TMEM132C: variants seen among roughly 807,000 people sequenced by gnomAD.
The protein encoded by TMEM132C is transmembrane protein 132C.
TMEM132C carries 29 observed loss-of-function variants against 61.4 expected under a neutral mutation model. That is an observed-to-expected ratio of 0.47 (90% confidence interval 0.35 to 0.64). The LOEUF (loss-of-function observed/expected upper bound fraction) is 0.64. Among genes scored for constraint, TMEM132C ranks in the 30% least tolerant of loss-of-function variants. TMEM132C has a pLI of 0.00. For synonymous variants in TMEM132C, 656 were observed against 633.1 expected (o/e 1.04, Z -0.54); for missense variants, 1,408 against 1,476.9 (o/e 0.95, Z 0.76).
At chr12:128,531,089 A>G (rs1406241791) in intron 2 of TMEM132C, among the ~76,000 whole-genome samples, 1 of 144,632 alleles carries the variant, frequency 6.9e-6, no homozygotes, top group Non-Finnish European at 1.5e-5. Context: ...GAAGCAAAAC[A>G]TTGGTAATTG....
At chr12:128,687,238 A>G (rs1406959693) in intron 5 of TMEM132C, among the ~76,000 whole-genome samples, 1 of 150,862 alleles carries the variant, frequency 6.6e-6, no homozygotes, top group Admixed American at 6.6e-5. Context: ...TCAGAGAAAG[A>G]ATCTTTGAGA....
At chr12:128,497,557 C>T (rs1286035924) in intron 2 of TMEM132C, among the ~76,000 whole-genome samples, 3 of 152,232 alleles carry the variant, frequency 2.0e-5, no homozygotes, top group Admixed American at 1.3e-4. Context: ...AGCCTCGCTG[C>T]TGCCTTGCAG....
chr12:128,425,486 G>A, intron 2 of TMEM132C, among the ~76,000 whole-genome samples: 1 of 152,258 alleles, frequency 6.6e-6, no homozygotes. Flanking sequence ...TGCGCAGTTT[G>A]GGGGACTTGA....
At chr12:128,325,912 G>A (rs562629013) in intron 1 of TMEM132C, among the ~76,000 whole-genome samples, 3 of 152,202 alleles carry the variant, frequency 2.0e-5, no homozygotes, top group African/African-American at 4.8e-5. Context: ...CAGGTTCTGC[G>A]GTGGTAGCTT....
intron 2 of TMEM132C, among the ~76,000 whole-genome samples, chr12:128,468,988 T>C (rs916333639): frequency 6.6e-6 from 1 of 152,240 alleles, no homozygotes; most frequent in Non-Finnish European, 1.5e-5. Flanking sequence ...TCTAGTTCTC[T>C]AACTCTCTTG....
chr12:128,433,802 C>T (rs1201624816), intron 2 of TMEM132C, among the ~76,000 whole-genome samples: 1 of 142,788 alleles, frequency 7.0e-6, no homozygotes, highest in African/African-American at 2.6e-5. Context: ...TCCTGGCTAG[C>T]ATGGAAGGAC....
intron 2 of TMEM132C, among the ~76,000 whole-genome samples, chr12:128,449,271 G>T (rs1870101730): frequency 6.6e-6 from 1 of 152,046 alleles, no homozygotes; most frequent in African/African-American, 2.4e-5. Flanking sequence ...TGCTCTGGGG[G>T]GCATGTGCTC....
intron 1 of TMEM132C, among the ~76,000 whole-genome samples, chr12:128,376,019 G>A (rs370728000): frequency 2.6e-5 from 4 of 152,288 alleles, no homozygotes; most frequent in Admixed American, 2.0e-4. Flanking sequence ...GCGGTGGGAA[G>A]CTTCAGAGTT....
At chr12:128,551,220 C>G (rs1030787123) in intron 3 of TMEM132C, among the ~76,000 whole-genome samples, 2 of 142,370 alleles carry the variant, frequency 1.4e-5, no homozygotes, top group African/African-American at 6.1e-5. Flanking sequence ...CCCCCCCCCT[C>G]CCGCTTCCTC....
At chr12:128,277,990 A>G (rs1870749462) in intron 1 of TMEM132C, among the ~76,000 whole-genome samples, 1 of 152,090 alleles carries the variant, frequency 6.6e-6, no homozygotes, top group Non-Finnish European at 1.5e-5. Context: ...CAATAGTAGC[A>G]TCTTCTATCA....
chr12:128,675,068 C>G (rs1444144709), intron 5 of TMEM132C, among the ~76,000 whole-genome samples: 4 of 152,144 alleles, frequency 2.6e-5, no homozygotes, highest in Non-Finnish European at 1.5e-5. Context: ...ATTTTGCTTC[C>G]TCACTTTTCC....
chr12:128,310,848 C>T (rs191586788), intron 1 of TMEM132C, among the ~76,000 whole-genome samples: 10 of 152,116 alleles, frequency 6.6e-5, no homozygotes, highest in East Asian at 1.9e-4. Context: ...TTTACAGTAC[C>T]GTGTGTTTCA....
At chr12:128,413,573 G>A (rs1277985797) in intron 1 of TMEM132C, among the ~76,000 whole-genome samples, 1 of 151,668 alleles carries the variant, frequency 6.6e-6, no homozygotes, top group African/African-American at 2.4e-5. Context: ...GTAAGAGGTG[G>A]TATTTGTAGT....
intron 1 of TMEM132C, among the ~76,000 whole-genome samples, chr12:128,307,470 C>T (rs1009618294): frequency 2.0e-5 from 3 of 151,724 alleles, no homozygotes; most frequent in Non-Finnish European, 4.4e-5. Context: ...ATTAAGGACC[C>T]GTATTTTAAT....
intron 2 of TMEM132C, among the ~76,000 whole-genome samples, chr12:128,484,687 C>T (rs529782296): frequency 1.3e-4 from 20 of 152,194 alleles, no homozygotes; most frequent in Non-Finnish European, 2.5e-4. Flanking sequence ...GGCAGCGTGG[C>T]GACTCATGCC....
chr12:128,477,286 G>T (rs1227175896), intron 2 of TMEM132C, among the ~76,000 whole-genome samples: 1 of 152,122 alleles, frequency 6.6e-6, no homozygotes, highest in Non-Finnish European at 1.5e-5. Context: ...TTCATCCTGG[G>T]CCACCAAGCT....
chr12:128,610,713 C>T (rs11059791), intron 3 of TMEM132C, among the ~76,000 whole-genome samples: 3,876 of 152,256 alleles, frequency 0.025, 321 homozygotes, highest in East Asian at 0.21. Context: ...TTAGAGTCAG[C>T]GGAAAGGCAC....
intron 4 of TMEM132C, among the ~76,000 whole-genome samples, chr12:128,635,633 G>T (rs1214443542): frequency 6.6e-6 from 1 of 152,138 alleles, no homozygotes; most frequent in African/African-American, 2.4e-5. Flanking sequence ...TTACACATGA[G>T]CCCCTGAAAC....
intron 1 of TMEM132C, among the ~76,000 whole-genome samples, chr12:128,409,570 T>TA (rs892645541): frequency 3.3e-5 from 5 of 152,176 alleles, no homozygotes; most frequent in African/African-American, 1.2e-4. Flanking sequence ...TCCCCAGTTT[T>TA]AAAAAATTGA....
Sources: gnomAD v4.1 joint callset for allele counts (sites outside exome capture counted in the v4.1 genomes callset) on GRCh38, gnomAD v4.1.1 for gene constraint, MANE v1.5 for transcripts, NCBI Gene and HGNC (gene_info 2026-07-23, HGNC 2026-07-21) for gene names.